The following GARIN1A variants were observed in gnomAD, a reference collection of about 807,000 sequenced individuals.
The protein encoded by GARIN1A is golgi associated RAB2 interactor 1A, also known as Golgi-associated RAB2 interactor protein 1A.
At chr7:128,680,482 C>G in the GARIN1A span, among the ~76,000 whole-genome samples, 1 of 152,114 alleles carries the variant, frequency 6.6e-6, no homozygotes, top group African/African-American at 2.4e-5. Context: ...TCCAAGCTCA[C>G]AAGGATCCCT....
chr7:128,675,912 A>C, the GARIN1A span: 1 of 1,306,028 alleles, frequency 7.7e-7, no homozygotes, highest in Non-Finnish European at 1.1e-6. Context: ...TGGGATATGC[A>C]TTGCTTTGTA....
At chr7:128,683,103 C>A in the GARIN1A span, 1 of 1,612,598 alleles carries the variant, frequency 6.2e-7, no homozygotes, top group Non-Finnish European at 8.5e-7. Flanking sequence ...CTGGAATGAG[C>A]ACCTTCTACA....
chr7:128,708,942 GCTTCC>G, the GARIN1A span: 1 of 152,196 alleles, frequency 6.6e-6, no homozygotes, highest in African/African-American at 2.4e-5. Flanking sequence ...ACATTTCCCA[GCTTCC>G]CTTGTATCTG....
the GARIN1A span, among the ~76,000 whole-genome samples, chr7:128,679,170 G>A: frequency 6.6e-6 from 1 of 150,810 alleles, no homozygotes; most frequent in Non-Finnish European, 1.5e-5. Flanking sequence ...GCAATCTTGT[G>A]TTTCTCTAAA....
the GARIN1A span, among the ~76,000 whole-genome samples, chr7:128,680,541 T>C: frequency 6.6e-6 from 1 of 150,776 alleles, no homozygotes; most frequent in Non-Finnish European, 1.5e-5. Context: ...TCTTTTTTAG[T>C]TTTCTTTTTC....
At chr7:128,675,418 A>G in the GARIN1A span, among the ~76,000 whole-genome samples, 2 of 108,952 alleles carry the variant, frequency 1.8e-5, no homozygotes, top group Middle Eastern at 7.7e-3. Context: ...TTGCTAGTGC[A>G]TCTTTTTAGT....
At chr7:128,678,033 T>C in the GARIN1A span, 1 of 369,596 alleles carries the variant, frequency 2.7e-6, no homozygotes, top group Non-Finnish European at 4.8e-6. Context: ...TTTTTTTTTT[T>C]TTTTTGAGAC....
chr7:128,701,334 G>A, the GARIN1A span, among the ~76,000 whole-genome samples: 2 of 77,588 alleles, frequency 2.6e-5, no homozygotes, highest in African/African-American at 1.0e-4. Context: ...GAGGGGGAGG[G>A]GAGGGGAGGG....
At chr7:128,685,582 T>C in the GARIN1A span, 3 of 152,210 alleles carry the variant, frequency 2.0e-5, no homozygotes, top group African/African-American at 7.2e-5. Context: ...CTGATGCTTG[T>C]TGGTTTTGTC....
the GARIN1A span, among the ~76,000 whole-genome samples, chr7:128,699,268 C>A: frequency 2.5e-4 from 36 of 142,738 alleles, 3 homozygotes; most frequent in Middle Eastern, 3.5e-3. Flanking sequence ...CTGCCCCCCC[C>A]CCCCCACCAC....
At chr7:128,675,971 C>G in the GARIN1A span, 1 of 687,430 alleles carries the variant, frequency 1.5e-6, no homozygotes, top group Non-Finnish European at 2.4e-6. Flanking sequence ...GTGCATAAAC[C>G]CTGTAGAACT....
the GARIN1A span, chr7:128,690,462 C>T: frequency 2.6e-5 from 4 of 152,078 alleles, no homozygotes; most frequent in African/African-American, 9.7e-5. Flanking sequence ...AACTCCAAAA[C>T]CCCCTTCTAC....
chr7:128,686,925 A>T, the GARIN1A span: 1 of 151,918 alleles, frequency 6.6e-6, no homozygotes, highest in South Asian at 2.1e-4. Flanking sequence ...ATAAAACCAG[A>T]CCCTTTGACA....
chr7:128,674,799 A>G, the GARIN1A span, among the ~76,000 whole-genome samples: 1 of 152,134 alleles, frequency 6.6e-6, no homozygotes, highest in Non-Finnish European at 1.5e-5. Context: ...TAGTTTTACA[A>G]AGTCTAGAAC....
chr7:128,678,114 A>G, the GARIN1A span: 83,818 of 191,878 alleles, frequency 0.44, 18,355 homozygotes, highest in East Asian at 0.57. Context: ...TCCACCTCCC[A>G]AATTCAAGCG....
the GARIN1A span, chr7:128,677,759 C>G: frequency 6.2e-7 from 1 of 1,613,858 alleles, no homozygotes; most frequent in Non-Finnish European, 8.5e-7. Flanking sequence ...ACCCGAGAAT[C>G]AAATTCACTC....
the GARIN1A span, chr7:128,676,007 T>C: frequency 3.2e-6 from 2 of 617,608 alleles, no homozygotes; most frequent in South Asian, 2.0e-5. Flanking sequence ...TTAGCAACGA[T>C]TTATTTAGTA....
At chr7:128,680,091 G>C in the GARIN1A span, 1 of 1,581,954 alleles carries the variant, frequency 6.3e-7, no homozygotes, top group Non-Finnish European at 8.6e-7. Context: ...GCTGGCGGCT[G>C]AGCAGACCAG....
the GARIN1A span, chr7:128,708,982 G>T: frequency 6.6e-6 from 1 of 152,100 alleles, no homozygotes; most frequent in Non-Finnish European, 1.5e-5. Flanking sequence ...TTTGAATTCC[G>T]ACCAATGGGA....
Sources: gnomAD v4.1 joint callset for allele counts (sites outside exome capture counted in the v4.1 genomes callset) on GRCh38, gnomAD v4.1.1 for gene constraint, MANE v1.5 for transcripts, NCBI Gene and HGNC (gene_info 2026-07-23, HGNC 2026-07-21) for gene names.